The following GPR89B variants were observed in gnomAD, a reference collection of about 807,000 sequenced individuals.
The protein encoded by GPR89B is golgi pH regulator B, also known as G protein-coupled receptor 89B.
GPR89B carries 25 observed loss-of-function variants against 52.4 expected under a neutral mutation model. The ratio of observed to expected loss-of-function variants is 0.48; its 90% CI spans 0.35 to 0.67. The LOEUF is 0.67. Among genes scored for constraint, GPR89B ranks in the 30% least tolerant of loss-of-function variants. The pLI is 0.01. For synonymous variants in GPR89B, 52 were observed against 151.2 expected (o/e 0.34, Z 4.81); for missense variants, 146 against 450.2 (o/e 0.32, Z 6.11).
intron 10 of GPR89B, among the ~76,000 whole-genome samples, chr1:147,980,667 C>A (rs1284461334): frequency 6.7e-6 from 1 of 150,076 alleles, no homozygotes; most frequent in African/African-American, 2.5e-5. Flanking sequence ...ACATTTTTAT[C>A]AAGCCAAAAA....
At chr1:147,980,798 G>A (rs1430984823) in intron 10 of GPR89B, among the ~76,000 whole-genome samples, 78 of 113,536 alleles carry the variant, frequency 6.9e-4, no homozygotes, top group Middle Eastern at 0.011. Context: ...CAGCCTGGGC[G>A]ACAGAGCGAG....
At chr1:147,939,948 G>C (rs1158445682) in intron 3 of GPR89B, among the ~76,000 whole-genome samples, 1 of 151,766 alleles carries the variant, frequency 6.6e-6, no homozygotes, top group East Asian at 1.9e-4. Context: ...TATGCGGTGA[G>C]CTGTGATCAC....
chr1:147,960,800 G>A (rs2149067400), intron 7 of GPR89B, among the ~76,000 whole-genome samples: 1 of 150,556 alleles, frequency 6.6e-6, no homozygotes, highest in African/African-American at 2.4e-5. Context: ...GTAGTGAGCT[G>A]AGATCATGCC....
chr1:147,962,953 GAAA>G (rs1165697890), intron 7 of GPR89B, among the ~76,000 whole-genome samples: 2 of 88,030 alleles, frequency 2.3e-5, no homozygotes, highest in Admixed American at 2.3e-4. Context: ...AAAACTTTCA[GAAA>G]AAAAAAAAAG....
the GPR89B span, among the ~76,000 whole-genome samples, chr1:148,000,618 C>A: frequency 6.7e-6 from 1 of 149,614 alleles, no homozygotes; most frequent in Non-Finnish European, 1.5e-5. Flanking sequence ...CATATTCCCC[C>A]CTCTGTACCG....
At position 147,957,798 on chromosome 1, in the gene GPR89B, C is replaced by G. The variant is rs1176186177; in HGVS notation, c.617+3396C>G. Among the ~76,000 whole-genome samples the G allele has an allele frequency of 4.7e-4, 72 of 152,200 alleles. No homozygotes were observed. The East Asian group carries it at 6.0e-3, about 13-fold the overall frequency. ...TAGACATAAAGGCCAGGCGCAGTGG[C>G]TCACGCCTGTAATCCCAGCACTTTG... On this transcript the variant is annotated intron_variant, in intron 7 of 13. Coordinates refer to ENST00000314163, the MANE Select transcript of GPR89B (RefSeq NM_016334.5).
intron 2 of GPR89B, among the ~76,000 whole-genome samples, chr1:147,938,219 TCTACA>T (rs1654262571): frequency 6.6e-6 from 1 of 152,168 alleles, no homozygotes; most frequent in Admixed American, 6.5e-5. Flanking sequence ...GTTGTTATAG[TCTACA>T]TTTGGGTCAT....
chr1:147,970,555 ATCTCTCTCTCTCTC>A lies in GPR89B; in HGVS notation c.909+598_909+611del, dbSNP rs1200595357. 3.0e-3 allele frequency among the ~76,000 whole-genome samples: 232 copies of A among 76,324 alleles called. 3 individuals carry two copies. The highest frequency in any genetic ancestry group is 0.012 in the East Asian group (31 of 2,608). The allele number at this position is 76,324 out of a possible 152,430, so 50.1% of individuals were successfully genotyped here. ...TCTCTATCTCTATCTCTCTCTCTCT[ATCTCTCTCTCTCTC>A]TATATATATATAGAATGTGAACATT... On this transcript the variant is annotated intron_variant, in intron 10 of 13. Transcript: ENST00000314163.
intron 8 of GPR89B, chr1:147,968,074 G>A (rs1657160146): frequency 4.5e-5 from 16 of 356,014 alleles, no homozygotes; most frequent in South Asian, 3.4e-4. Context: ...TATTTACTAT[G>A]TTTATTACTT....
the GPR89B span, chr1:148,012,029 G>A: frequency 1.3e-5 from 2 of 152,034 alleles, no homozygotes; most frequent in African/African-American, 2.4e-5. Context: ...GATCAGCAAC[G>A]TTTGGAGAGT....
At chr1:147,998,039 G>A (rs1262656435), downstream of GPR89B, among the ~76,000 whole-genome samples, 6 of 152,052 alleles carry the variant, frequency 3.9e-5, no homozygotes, top group African/African-American at 9.7e-5. Flanking sequence ...CTTGAATACC[G>A]AAGAGGCATA....
chr1:147,949,469 G>A (rs1196592469), intron 5 of GPR89B, among the ~76,000 whole-genome samples: 1 of 95,436 alleles, frequency 1.0e-5, no homozygotes. Flanking sequence ...CCTCCCTCCC[G>A]GACGGGGCGG....
chr1:147,965,173 A>T (rs1656943283), intron 7 of GPR89B, among the ~76,000 whole-genome samples: 1 of 151,408 alleles, frequency 6.6e-6, no homozygotes, highest in African/African-American at 2.4e-5. Flanking sequence ...TTCACTCAGT[A>T]TCCAGGCAAA....
rs1165549644 is a variant in GPR89B, at chr1:147,949,617, G to A, written c.416-3728G>A. Among the ~76,000 whole-genome samples, 5 of 138,582 alleles carry A rather than the reference G, an allele frequency of 3.6e-5. No individual in the cohort carries two copies. In the South Asian group the frequency reaches 6.6e-4, roughly 18 times the overall value. The allele number at this position is 138,582 out of a possible 152,430, so 90.9% of individuals were successfully genotyped here. A position where few individuals can be genotyped will look rare whatever the true frequency, so the allele number is the denominator to read the frequency against. On this transcript the variant is annotated intron_variant, in intron 5 of 13. Coordinates refer to ENST00000314163, the MANE Select transcript of GPR89B (RefSeq NM_016334.5). ...TCCAGGACCGGGCAGCTGACGGGGC[G>A]GGGGGCTGACCCCCCCACCTCCCTC...
chr1:148,000,775 TAAAAA>T, the GPR89B span, among the ~76,000 whole-genome samples: 2 of 72,550 alleles, frequency 2.8e-5, no homozygotes, highest in Non-Finnish European at 3.1e-5. Flanking sequence ...GTGTTAAAAG[TAAAAA>T]AAAAAAAAAA....
At chr1:147,991,818 G>C (rs1472753975) in intron 12 of GPR89B, among the ~76,000 whole-genome samples, 1 of 152,130 alleles carries the variant, frequency 6.6e-6, no homozygotes, top group African/African-American at 2.4e-5. Flanking sequence ...TGGCAGATAA[G>C]CTTTTTGATG....
chr1:148,011,262 C>G, the GPR89B span: 10 of 152,152 alleles, frequency 6.6e-5, no homozygotes, highest in Admixed American at 2.6e-4. Flanking sequence ...GCTAAACCTG[C>G]CACCTCTGGA....
chr1:147,973,564 G>A (rs1297982725), intron 10 of GPR89B, among the ~76,000 whole-genome samples: 4 of 151,890 alleles, frequency 2.6e-5, no homozygotes, highest in East Asian at 1.9e-4. Flanking sequence ...GATTCTGGAT[G>A]TTAGGCCTTT....
the GPR89B span, among the ~76,000 whole-genome samples, chr1:148,021,005 A>T: frequency 6.6e-6 from 1 of 151,516 alleles, no homozygotes; most frequent in Non-Finnish European, 1.5e-5. Context: ...ATCTAAGCCG[A>T]GACTTTGCAG....
Sources: gnomAD v4.1 joint callset for allele counts (sites outside exome capture counted in the v4.1 genomes callset) on GRCh38, gnomAD v4.1.1 for gene constraint, MANE v1.5 for transcripts, NCBI Gene and HGNC (gene_info 2026-07-23, HGNC 2026-07-21) for gene names.